The following LRRC69 variants were observed in gnomAD, a reference collection of about 807,000 sequenced individuals.
LRRC69 encodes leucine-rich repeat-containing protein 69.
A neutral mutation model predicts 37.8 loss-of-function variants in LRRC69; 42 were observed. The ratio of observed to expected loss-of-function variants is 1.11; its 90% CI spans 0.87 to 1.44. The LOEUF is 1.44. Ranked by LOEUF, LRRC69 falls within the 40% of genes most tolerant of loss-of-function variation. LRRC69 has a pLI of 0.00. For synonymous variants in LRRC69, 141 were observed against 143.1 expected, an observed-to-expected ratio of 0.99 and a Z score of 0.11; for missense variants, 357 against 401.9, an observed-to-expected ratio of 0.89 and a Z score of 0.96.
intron 1 of LRRC69, among the ~76,000 whole-genome samples, chr8:91,117,697 A>T (rs547269297): frequency 6.6e-6 from 1 of 151,814 alleles, no homozygotes; most frequent in South Asian, 2.1e-4. Flanking sequence ...TTGGCCACAG[A>T]CAAAACTAAT....
chr8:91,133,346 A>G, intron 4 of LRRC69, 41 bp downstream of exon 4: 1 of 1,393,268 alleles, frequency 7.2e-7, no homozygotes, highest in African/African-American at 1.5e-5. Flanking sequence ...CTGTTGGAGA[A>G]GAACTCAACA....
chr8:91,127,252 C>A lies in LRRC69; in HGVS notation c.383+92C>A, dbSNP rs1813732886. ...TGAAAGCATTATGCCTAGCATAAGT[C>A]CCTGTGAGATTTATACATAGCAAAG... is the stretch of plus-strand genomic sequence containing the variant. On this transcript the variant is annotated intron_variant, in intron 3 of 7. Transcript: ENST00000448384. The A allele has an allele frequency of 5.3e-6, 5 of 935,910 alleles. No homozygotes were observed. In the Admixed American group the frequency reaches 1.1e-4, roughly 21 times the overall value. 58.0% of individuals were successfully genotyped at this position (935,910 alleles called of 1,614,324 possible).
chr8:91,124,726 G>A (rs1813689900), intron 2 of LRRC69, 107 bp downstream of exon 2: 1 of 991,882 alleles, frequency 1.0e-6, no homozygotes, highest in Admixed American at 3.5e-5. Context: ...ATCTTTTTTT[G>A]TTGGAGATAT....
intron 1 of LRRC69, among the ~76,000 whole-genome samples, chr8:91,120,239 T>A (rs1385550740): frequency 6.6e-6 from 1 of 152,122 alleles, no homozygotes; most frequent in African/African-American, 2.4e-5. Flanking sequence ...GTTATTTTGA[T>A]GCTTTAATTT....
chr8:91,124,590 G>A, exon 2 of LRRC69: 1 of 1,540,690 alleles, frequency 6.5e-7, no homozygotes, highest in East Asian at 2.5e-5. Context: ...TCTGGAAATA[G>A]GATCTGTAGA....
intron 5 of LRRC69, among the ~76,000 whole-genome samples, chr8:91,147,881 C>T (rs1198948911): frequency 6.6e-6 from 1 of 151,556 alleles, no homozygotes; most frequent in African/African-American, 2.4e-5. Context: ...CCCAACAGGC[C>T]TTGGTGTGTA....
intron 3 of LRRC69, among the ~76,000 whole-genome samples, chr8:91,129,953 G>A (rs553947693): frequency 5.4e-4 from 82 of 151,592 alleles, no homozygotes; most frequent in African/African-American, 1.9e-3. Flanking sequence ...TTTTTCTGCT[G>A]AATAAAAATT....
chr8:91,203,302 CTGT>C (rs1228940247), intron 7 of LRRC69, among the ~76,000 whole-genome samples: 2 of 152,060 alleles, frequency 1.3e-5, no homozygotes, highest in Non-Finnish European at 2.9e-5. Context: ...ATTCTAAATC[CTGT>C]TGTTCAAGTG....
At chr8:91,165,753 A>T (rs957430882) in intron 5 of LRRC69, among the ~76,000 whole-genome samples, 1 of 151,828 alleles carries the variant, frequency 6.6e-6, no homozygotes, top group Non-Finnish European at 1.5e-5. Flanking sequence ...GATGGGTGAA[A>T]ACATCAGACA....
In LRRC69 at chr8:91,200,605, C is replaced by A; in HGVS notation, c.754-8C>A. Reference sequence around the variant, plus strand: ...ATCTGAGGAACTGTATTTTTTTTTTCAATTTAGGAAATAACATCAAGATTT... The same window carrying A: ...ATCTGAGGAACTGTATTTTTTTTTTAAATTTAGGAAATAACATCAAGATTT... On this transcript the variant is annotated splice_region_variant and splice_polypyrimidine_tract_variant and intron_variant, in intron 6 of 7. Coordinates refer to ENST00000448384, the Ensembl canonical transcript of LRRC69. The A allele has an allele frequency of 7.1e-7, 1 of 1,400,216 alleles. No individual in the cohort carries two copies. The highest frequency in any genetic ancestry group is 2.9e-5 in the East Asian group (1 of 34,754). The allele number at this position is 1,400,216 out of a possible 1,614,324, so 86.7% of individuals were successfully genotyped here. A position where few individuals can be genotyped will look rare whatever the true frequency, so the allele number is the denominator to read the frequency against.
At chr8:91,105,713 C>CTTAGAGAA (rs60232030) in intron 1 of LRRC69, among the ~76,000 whole-genome samples, 7,872 of 150,182 alleles carry the variant, frequency 0.052, 324 homozygotes, top group African/African-American at 0.11. Context: ...AAAGAGACAG[C>CTTAGAGAA]TTAGAGAATT....
At chr8:91,154,282 C>T (rs1253141919) in intron 5 of LRRC69, among the ~76,000 whole-genome samples, 1 of 151,648 alleles carries the variant, frequency 6.6e-6, no homozygotes, top group Non-Finnish European at 1.5e-5. Flanking sequence ...CAGCTGAATG[C>T]TACCAGAAGT....
At chr8:91,161,268 G>T (rs1808939705) in intron 5 of LRRC69, among the ~76,000 whole-genome samples, 1 of 151,212 alleles carries the variant, frequency 6.6e-6, no homozygotes, top group South Asian at 2.1e-4. Flanking sequence ...TGTTGTTGTT[G>T]TGTCCTTTTG....
chr8:91,173,243 C>T lies in LRRC69; in HGVS notation c.652-16279C>T, dbSNP rs371654185. 9.6e-4 allele frequency among the ~76,000 whole-genome samples: 146 copies of T among 152,044 alleles called. 1 individual carries two copies. Among genetic ancestry groups the T allele is most frequent in the African/African-American group, 3.4e-3 (142 of 41,538 alleles). ...TAGTAATCCCTCTGTCTATTGTTCC[C>T]TGATCCCATTATTCTCTGAAGGACT... On this transcript the variant is annotated intron_variant, in intron 5 of 7. Coordinates refer to ENST00000448384, the Ensembl canonical transcript of LRRC69.
chr8:91,145,553 G>A (rs1403407985), intron 5 of LRRC69, among the ~76,000 whole-genome samples: 6 of 151,738 alleles, frequency 4.0e-5, no homozygotes, highest in Non-Finnish European at 8.8e-5. Context: ...AATTTTCTTT[G>A]GTTGTCAGTG....
chr8:91,194,590 C>T (rs11995695), intron 6 of LRRC69, among the ~76,000 whole-genome samples: 3,732 of 150,926 alleles, frequency 0.025, 160 homozygotes, highest in African/African-American at 0.084. Flanking sequence ...GTGTATGTGT[C>T]GAGGAATTTA....
At chr8:91,128,832 AG>A (rs1813761011) in intron 3 of LRRC69, among the ~76,000 whole-genome samples, 1 of 151,914 alleles carries the variant, frequency 6.6e-6, no homozygotes, top group Non-Finnish European at 1.5e-5. Context: ...ATTTGGGCAA[AG>A]CATTGAGCAT....
At chr8:91,127,411 G>T (rs180982770) in intron 3 of LRRC69, among the ~76,000 whole-genome samples, 150 of 151,818 alleles carry the variant, frequency 9.9e-4, no homozygotes, top group African/African-American at 3.4e-3. Flanking sequence ...AAAACTGATG[G>T]TCTCATTGAT....
intron 1 of LRRC69, among the ~76,000 whole-genome samples, chr8:91,117,163 G>C (rs1175454987): frequency 6.6e-6 from 1 of 151,960 alleles, no homozygotes; most frequent in Non-Finnish European, 1.5e-5. Context: ...AGGATATACT[G>C]GGTAGAGAAA....
Sources: allele counts gnomAD v4.1 joint callset (sites outside exome capture counted in the v4.1 genomes callset), GRCh38; gene constraint gnomAD v4.1.1; transcripts MANE v1.5; gene names NCBI Gene and HGNC (gene_info 2026-07-23, HGNC 2026-07-21).